The following ACAN variants were observed in gnomAD, a reference collection of about 807,000 sequenced individuals.
ACAN encodes aggrecan core protein.
In ACAN, 47 loss-of-function variants were observed where a neutral mutation model predicts 169.1. That is an observed-to-expected ratio of 0.28 (90% CI 0.22 to 0.35). The LOEUF (loss-of-function observed/expected upper bound fraction) is 0.35. ACAN is among the 10% of genes least tolerant of loss of function. The probability of loss-of-function intolerance (pLI) is 1.00; values close to 1 mark genes in which losing one functional copy is unlikely to be tolerated. For synonymous variants in ACAN, 1,115 were observed against 1,112.2 expected (o/e 1.00, Z -0.05); for missense variants, 2,716 against 2,759.9 (o/e 0.98, Z 0.36).
intron 1 of ACAN, among the ~76,000 whole-genome samples, chr15:88,817,516 G>A (rs1240744729): frequency 6.6e-6 from 1 of 150,516 alleles, no homozygotes; most frequent in Non-Finnish European, 1.5e-5. Context: ...AAATAATAAA[G>A]GACATCATAG....
In ACAN at chr15:88,841,798, G is replaced by A; in HGVS notation, c.688G>A (p.Val230Met). ...CYGDKDEFPG[V>M]RTYGIRDTNE... ...TGGAGACAAGGATGAGTTTCCTGGT[G>A]TGAGGACGTATGGCATCCGAGACAC... The change falls in exon 5 of 19, where the codon GTG becomes ATG. Residue 230 changes from valine to methionine, a missense_variant. By Grantham distance (21) the Val-to-Met change is conservative. Transcript: ENST00000560601. The A allele has an allele frequency of 3.7e-6, 6 of 1,613,634 alleles. No individual in the cohort carries two copies. Among genetic ancestry groups the A allele is most frequent in the Non-Finnish European group, 5.1e-6 (6 of 1,179,818 alleles).
intron 1 of ACAN, among the ~76,000 whole-genome samples, chr15:88,826,485 C>T (rs1451471365): frequency 1.4e-5 from 2 of 145,866 alleles, no homozygotes; most frequent in Non-Finnish European, 3.0e-5. Flanking sequence ...CCTGGAGACA[C>T]AGGGAAAGCC....
chr15:88,810,458 G>C (rs1266152854), intron 1 of ACAN, among the ~76,000 whole-genome samples: 1 of 152,014 alleles, frequency 6.6e-6, no homozygotes, highest in African/African-American at 2.4e-5. Context: ...GCCGCCTCGG[G>C]TCCTGTGTAG....
At chr15:88,834,296 T>A (rs528750223) in intron 1 of ACAN, among the ~76,000 whole-genome samples, 20 of 152,314 alleles carry the variant, frequency 1.3e-4, no homozygotes, top group African/African-American at 4.6e-4. Flanking sequence ...GACTCGTATA[T>A]GTAGCATAGG....
In ACAN at chr15:88,873,599, T is replaced by G; in HGVS notation, c.7448-243T>G. 1 of 546,120 alleles carries G rather than the reference T, an allele frequency of 1.8e-6. No homozygotes were observed. Among genetic ancestry groups the G allele is most frequent in the Non-Finnish European group, 3.3e-6 (1 of 305,718 alleles). 33.8% of individuals were successfully genotyped at this position (546,120 alleles called of 1,614,324 possible). On this transcript the variant is annotated intron_variant, in intron 17 of 18. Transcript: ENST00000560601. This position sits in a 1 kb window ranked among gnomAD's most constrained non-coding sequence, Gnocchi z 7.5. ...CGCCCTCCACACCTTTCTACCTCCC[T>G]TTCATCTTCTCTTCATCCCTTTAAA...
At chr15:88,808,217 C>A (rs1372707529) in intron 1 of ACAN, among the ~76,000 whole-genome samples, 1 of 152,178 alleles carries the variant, frequency 6.6e-6, no homozygotes, top group Non-Finnish European at 1.5e-5. Context: ...CTGTGATGGT[C>A]CTCATTTAAG....
Position 88,860,382 on chromosome 15 carries a change from G to A in ACAN, c.6889G>A (p.Glu2297Lys), listed in dbSNP as rs1567189271. 4 of 1,613,592 alleles carry A rather than the reference G, an allele frequency of 2.5e-6. No homozygotes were observed. In the East Asian group the frequency reaches 8.9e-5, roughly 36 times the overall value. Residue 2297 changes from glutamate to lysine, a missense_variant, in exon 13 of 19, where the codon GAG (glutamate) becomes AAG (lysine). Physicochemically the swap from Glu to Lys is moderately conservative, Grantham distance 56 (BLOSUM62 1). Coordinates refer to ENST00000560601, the MANE Select transcript of ACAN (RefSeq NM_001369268.1). ...PCGAGTCKET[E>K]GHVICLCPPG... is the part of the protein sequence containing the mutation. ...TGGAGCTGGGACCTGCAAGGAGACAGAGGGACACGTCATATGCCTGTGCCC... is the reference window on the plus strand; with the variant it reads ...TGGAGCTGGGACCTGCAAGGAGACAAAGGGACACGTCATATGCCTGTGCCC...
rs1897478640 is a variant in ACAN at position 88,875,022 on chromosome 15, C to CT, written c.*543dup. ...TACACCATCTGTATGAGGGAAAAGC[C>CT]TTGGGGGAGAGGGGTGGGTTCCTGC... On this transcript the variant is annotated 3_prime_UTR_variant, in exon 19 of 19. Coordinates refer to ENST00000560601, the MANE Select transcript of ACAN (RefSeq NM_001369268.1). This position sits in a 1 kb window ranked among gnomAD's most constrained non-coding sequence, Gnocchi z 4.8. The CT allele has an allele frequency of 5.5e-6, 1 of 182,484 alleles. No individual in the cohort carries two copies. Among genetic ancestry groups the CT allele is most frequent in the South Asian group, 1.1e-4 (1 of 8,884 alleles). The allele number at this position is 182,484 out of a possible 1,614,324, so 11.3% of individuals were successfully genotyped here.
At chr15:88,821,204 A>C (rs1337329810) in intron 1 of ACAN, among the ~76,000 whole-genome samples, 1 of 152,146 alleles carries the variant, frequency 6.6e-6, no homozygotes, top group Non-Finnish European at 1.5e-5. Context: ...CAGTGGCACA[A>C]CCAGGGTTCA....
intron 1 of ACAN, among the ~76,000 whole-genome samples, chr15:88,833,745 A>G (rs2063920): frequency 2.1e-5 from 1 of 48,184 alleles, no homozygotes; most frequent in Non-Finnish European, 4.0e-5. Flanking sequence ...TCTCCTCCCC[A>G]CCTCTTTTCA....
At chr15:88,821,292 A>T (rs1234786398) in intron 1 of ACAN, among the ~76,000 whole-genome samples, 1 of 151,712 alleles carries the variant, frequency 6.6e-6, no homozygotes, top group Non-Finnish European at 1.5e-5. Context: ...GTTGCATACC[A>T]CCATGGCTGG....
At chr15:88,832,039 T>C (rs1456469167) in intron 1 of ACAN, among the ~76,000 whole-genome samples, 5 of 152,198 alleles carry the variant, frequency 3.3e-5, no homozygotes, top group Admixed American at 3.3e-4. Flanking sequence ...TCTTGAAAGT[T>C]CTTGAGTACA....
chr15:88,847,714 C>T (rs533790372), intron 8 of ACAN, among the ~76,000 whole-genome samples, 197 bp from the exon 9 acceptor site: 23 of 152,286 alleles, frequency 1.5e-4, no homozygotes, highest in African/African-American at 5.1e-4. Context: ...AGCCAGAAAT[C>T]CCCCAGGAGC....
rs1897454827 is a variant in ACAN, at chr15:88,874,159, A to G, written c.7630+135A>G. Reference sequence around the variant, plus strand: ...GGGAAGGGAGGTCGGGGGGCTGCTCAGTCACAAATAGCTGACCACTGCCCT... The same window carrying G: ...GGGAAGGGAGGTCGGGGGGCTGCTCGGTCACAAATAGCTGACCACTGCCCT... On this transcript the variant is annotated intron_variant, in intron 18 of 18. Transcript: ENST00000560601. The surrounding 1 kb of genome is among the most constrained non-coding windows in gnomAD (Gnocchi z 7.3). 4.0e-6 allele frequency: 5 copies of G among 1,252,598 alleles called. No homozygotes were observed. The highest frequency in any genetic ancestry group is 3.9e-5 in the Admixed American group (2 of 50,652). The allele number at this position is 1,252,598 out of a possible 1,614,324, so 77.6% of individuals were successfully genotyped here. A position where few individuals can be genotyped will look rare whatever the true frequency, so the allele number is the denominator to read the frequency against.
At position 88,866,077 on chromosome 15, in the gene ACAN, G is replaced by T. The variant is rs960082266; in HGVS notation, c.6947-2139G>T. 6.6e-6 allele frequency among the ~76,000 whole-genome samples: 1 copy of T among 152,084 alleles called. No individual in the cohort carries two copies. The highest frequency in any genetic ancestry group is 1.5e-5 in the Non-Finnish European group (1 of 68,018). ...GCAGCCTTCTCAGATTTTGTGCCCT[G>T]GTCAAACACAGAAAGAAAGCAACGC... is the stretch of plus-strand genomic sequence containing the variant. On this transcript the variant is annotated intron_variant, in intron 13 of 18. Transcript: ENST00000560601. The surrounding 1 kb of genome is among the most constrained non-coding windows in gnomAD (Gnocchi z 5.6).
At chr15:88,847,205 G>T (rs1266722287) in intron 7 of ACAN, 38 bp from the exon 8 acceptor site, 2 of 1,508,928 alleles carry the variant, frequency 1.3e-6, no homozygotes, top group East Asian at 2.5e-5. Context: ...TGCACACCGT[G>T]GGTCCCTGAA....
chr15:88,853,741 GATAGATAGATAGATAC>G (rs993196473), intron 11 of ACAN, among the ~76,000 whole-genome samples: 1 of 109,128 alleles, frequency 9.2e-6, no homozygotes, highest in Non-Finnish European at 1.9e-5. Flanking sequence ...ATAGATGATA[GATAGATAGATAGATAC>G]ATACATACAT....
rs1897434960 is a variant in ACAN, at chr15:88,873,674, C to A, written c.7448-168C>A. ...CTGCTGTTCTAAATTGTTGAGGAAC[C>A]CAGATGTTACAGCCAGCGGCTTCCA... On this transcript the variant is annotated intron_variant, in intron 17 of 18. Coordinates refer to ENST00000560601, the MANE Select transcript of ACAN (RefSeq NM_001369268.1). This position sits in a 1 kb window ranked among gnomAD's most constrained non-coding sequence, Gnocchi z 7.5. 4 of 666,666 alleles carry A rather than the reference C, an allele frequency of 6.0e-6. No individual in the cohort carries two copies. Among genetic ancestry groups the A allele is most frequent in the Non-Finnish European group, 1.0e-5 (4 of 396,708 alleles). 41.3% of individuals were successfully genotyped at this position (666,666 alleles called of 1,614,324 possible). A position where few individuals can be genotyped will look rare whatever the true frequency, so the allele number is the denominator to read the frequency against.
intron 1 of ACAN, among the ~76,000 whole-genome samples, chr15:88,825,474 T>A (rs986167711): frequency 6.6e-6 from 1 of 152,304 alleles, no homozygotes; most frequent in East Asian, 1.9e-4. Flanking sequence ...AGATAGTACA[T>A]TATGAGTCAA....
Sources: gnomAD v4.1 joint callset for allele counts (sites outside exome capture counted in the v4.1 genomes callset) on GRCh38, gnomAD v4.1.1 for gene constraint, Gnocchi (gnomAD v3.1) non-coding constraint, MANE v1.5 for transcripts, NCBI Gene and HGNC (gene_info 2026-07-23, HGNC 2026-07-21) for gene names.